Variants in PCDH15 observed in about 807,000 individuals in gnomAD.
The protein encoded by PCDH15 is protocadherin related 15.
Under a neutral mutation model 178.5 loss-of-function variants are expected in PCDH15, and 129 were observed. The ratio of observed to expected loss-of-function variants is 0.72; its 90% confidence interval spans 0.63 to 0.84. The LOEUF (loss-of-function observed/expected upper bound fraction) is 0.84, where lower values mean the gene tolerates loss of function less well. Ranked by LOEUF, PCDH15 falls within the 40% of genes least tolerant of loss-of-function variation. The pLI, the probability that PCDH15 is intolerant of heterozygous loss-of-function variation, is 0.00. For missense variants in PCDH15, 2,230 were observed against 2,099.9 expected (o/e 1.06, Z -1.21); for synonymous variants, 800 against 732.0 (o/e 1.09, Z -1.50).
intron 3 of PCDH15, among the ~76,000 whole-genome samples, chr10:54,828,481 ATGTATGTGTATG>A (rs59772797): frequency 6.0e-5 from 9 of 150,732 alleles, no homozygotes; most frequent in African/African-American, 1.7e-4. Context: ...TACAAGATAT[ATGTATGTGTATG>A]TGTATGTGTA....
At position 53,866,632 on chromosome 10, in the gene PCDH15, A is replaced by G. The variant is rs376158566; in HGVS notation, c.3717+10T>C. ...AGCTACTTCCCTTTCCTGAAGTTTT[A>G]TCTACTTACGAGTACATCGGCTTTG... On this transcript the variant is annotated intron_variant, in intron 27 of 37. Transcript: ENST00000644397. 8.1e-6 allele frequency: 13 copies of G among 1,609,726 alleles called. No homozygotes were observed. In the African/African-American group the frequency reaches 1.3e-4, roughly 17 times the overall value.
intron 14 of PCDH15, among the ~76,000 whole-genome samples, chr10:54,135,457 C>A (rs1174372593): frequency 6.6e-6 from 1 of 152,088 alleles, no homozygotes; most frequent in Non-Finnish European, 1.5e-5. Flanking sequence ...TGGGAAGTTA[C>A]AAAATGTATT....
At chr10:54,145,185 A>G (rs925429558) in intron 14 of PCDH15, among the ~76,000 whole-genome samples, 1 of 152,092 alleles carries the variant, frequency 6.6e-6, no homozygotes, top group African/African-American at 2.4e-5. Flanking sequence ...TGGGAATGAT[A>G]TAATTATAAA....
At chr10:54,179,320 C>CA (rs1380482549) in intron 13 of PCDH15, among the ~76,000 whole-genome samples, 1 of 147,226 alleles carries the variant, frequency 6.8e-6, no homozygotes, top group South Asian at 2.1e-4. Flanking sequence ...ATCACAAGGA[C>CA]AAAAAACCAA....
chr10:54,825,846 A>G (rs1953122523), intron 3 of PCDH15, among the ~76,000 whole-genome samples: 1 of 152,110 alleles, frequency 6.6e-6, no homozygotes, highest in Admixed American at 6.6e-5. Context: ...GTACTTAATT[A>G]GTGATGTTAT....
chr10:55,328,047 G>A (rs1844080824), intron 2 of PCDH15, among the ~76,000 whole-genome samples: 1 of 151,896 alleles, frequency 6.6e-6, no homozygotes, highest in Non-Finnish European at 1.5e-5. Flanking sequence ...GAAATACATT[G>A]CTTGGGGAAA....
chr10:54,649,318 T>C (rs567558557), intron 2 of PCDH15, among the ~76,000 whole-genome samples: 1 of 152,258 alleles, frequency 6.6e-6, no homozygotes, highest in Admixed American at 6.5e-5. Flanking sequence ...ATTACATATA[T>C]GAAATATAAC....
chr10:55,560,012 G>T (rs1842165081), intron 2 of PCDH15, among the ~76,000 whole-genome samples: 1 of 151,784 alleles, frequency 6.6e-6, no homozygotes, highest in African/African-American at 2.4e-5. Context: ...GGCCATTAAG[G>T]ACAAACCATT....
chr10:54,035,798 G>A (rs182613713), intron 18 of PCDH15, among the ~76,000 whole-genome samples: 2 of 152,110 alleles, frequency 1.3e-5, no homozygotes, highest in East Asian at 3.9e-4. Flanking sequence ...AGCTGAGAAA[G>A]CTTAAAAACT....
chr10:54,085,092 AG>A (rs2094495780), intron 16 of PCDH15, among the ~76,000 whole-genome samples: 1 of 152,176 alleles, frequency 6.6e-6, no homozygotes. Context: ...TGTGAGAAAT[AG>A]TTTGATTTGG....
At chr10:54,974,404 T>C (rs1839015478) in intron 2 of PCDH15, among the ~76,000 whole-genome samples, 1 of 151,902 alleles carries the variant, frequency 6.6e-6, no homozygotes, top group East Asian at 1.9e-4. Flanking sequence ...GAAAGCTCTA[T>C]TTATGTTGAT....
intron 2 of PCDH15, among the ~76,000 whole-genome samples, chr10:55,135,521 C>T (rs1003603747): frequency 1.3e-5 from 2 of 151,588 alleles, no homozygotes; most frequent in African/African-American, 4.9e-5. Flanking sequence ...GGAGCCTTCC[C>T]TGGTCTCCCC....
intron 37 of PCDH15, among the ~76,000 whole-genome samples, chr10:53,809,725 G>T (rs925539404): frequency 2.0e-5 from 3 of 152,158 alleles, no homozygotes; most frequent in Non-Finnish European, 4.4e-5. Context: ...GTGATTAAGA[G>T]AAAGTAAATT....
chr10:55,426,505 G>C (rs1210486911), intron 2 of PCDH15, among the ~76,000 whole-genome samples: 1 of 152,142 alleles, frequency 6.6e-6, no homozygotes, highest in African/African-American at 2.4e-5. Context: ...CATCTGTGGG[G>C]GTGCCCGCAA....
At chr10:55,115,462 G>A (rs1007997475) in intron 2 of PCDH15, among the ~76,000 whole-genome samples, 5 of 152,140 alleles carry the variant, frequency 3.3e-5, no homozygotes, top group Non-Finnish European at 7.4e-5. Flanking sequence ...ACTATTTGGT[G>A]GACTGTATTG....
intron 1 of PCDH15, among the ~76,000 whole-genome samples, chr10:54,797,550 ACG>A (rs1469769637): frequency 1.4e-5 from 2 of 145,744 alleles, no homozygotes; most frequent in African/African-American, 5.1e-5. Context: ...ACACACACAC[ACG>A]ATCATCTTAG....
chr10:54,068,990 C>A (rs1361006578), intron 17 of PCDH15, among the ~76,000 whole-genome samples: 3 of 152,140 alleles, frequency 2.0e-5, no homozygotes, highest in African/African-American at 4.8e-5. Flanking sequence ...TTCCTCGTTA[C>A]TTTTATATAT....
At chr10:55,002,308 G>A (rs1336901717) in intron 2 of PCDH15, among the ~76,000 whole-genome samples, 1 of 152,130 alleles carries the variant, frequency 6.6e-6, no homozygotes, top group Non-Finnish European at 1.5e-5. Context: ...GTCTTAAAGT[G>A]AAAGATTATT....
chr10:55,415,792 C>A (rs1206390076), intron 2 of PCDH15, among the ~76,000 whole-genome samples: 6 of 151,654 alleles, frequency 4.0e-5, no homozygotes, highest in Non-Finnish European at 7.4e-5. Flanking sequence ...TTTGGCTTAA[C>A]ATCTCAATGG....
Sources: allele counts gnomAD v4.1 joint callset (sites outside exome capture counted in the v4.1 genomes callset), GRCh38; gene constraint gnomAD v4.1.1; transcripts MANE v1.5; gene names NCBI Gene and HGNC (gene_info 2026-07-23, HGNC 2026-07-21).